Variants in GPC5 observed in about 807,000 individuals in gnomAD.
GPC5 encodes glypican-5.
GPC5 carries 47 observed loss-of-function variants against 53.9 expected under a neutral mutation model. The observed-to-expected ratio is 0.87, with a 90% CI of 0.69 to 1.11. GPC5 has a LOEUF of 1.11. GPC5 is among the 50% of genes most tolerant of loss of function. The pLI, the probability that GPC5 is intolerant of heterozygous loss-of-function variation, is 0.00. For missense variants in GPC5, 748 were observed against 713.1 expected, an observed-to-expected ratio of 1.05 and a Z score of -0.56; for synonymous variants, 286 against 263.3, an observed-to-expected ratio of 1.09 and a Z score of -0.84.
chr13:92,370,839 A>G (rs2043644421), intron 7 of GPC5, among the ~76,000 whole-genome samples: 1 of 152,076 alleles, frequency 6.6e-6, no homozygotes, highest in South Asian at 2.1e-4. Context: ...TTCAGAACAC[A>G]TTTCTTTTGG....
At chr13:92,329,078 G>C (rs928714336) in intron 7 of GPC5, among the ~76,000 whole-genome samples, 1 of 152,122 alleles carries the variant, frequency 6.6e-6, no homozygotes, top group Admixed American at 6.6e-5. Flanking sequence ...CAGAATTTAA[G>C]TGAGTACAGT....
At chr13:92,431,542 A>C (rs1409137830) in intron 7 of GPC5, among the ~76,000 whole-genome samples, 1 of 152,126 alleles carries the variant, frequency 6.6e-6, no homozygotes, top group Non-Finnish European at 1.5e-5. Context: ...AATATGAAAA[A>C]CATTGATATA....
At chr13:92,272,302 A>G (rs868482119) in intron 7 of GPC5, among the ~76,000 whole-genome samples, 19 of 152,182 alleles carry the variant, frequency 1.2e-4, no homozygotes, top group African/African-American at 4.6e-4. Context: ...TCACATCATC[A>G]TAGAACACAT....
At chr13:91,558,819 G>T (rs1566503725) in intron 2 of GPC5, among the ~76,000 whole-genome samples, 1 of 151,808 alleles carries the variant, frequency 6.6e-6, no homozygotes, top group Non-Finnish European at 1.5e-5. Flanking sequence ...CCTCTCCAGT[G>T]AGGTCTGGAT....
At chr13:92,229,438 G>A (rs1194700090) in intron 7 of GPC5, among the ~76,000 whole-genome samples, 1 of 152,054 alleles carries the variant, frequency 6.6e-6, no homozygotes, top group Non-Finnish European at 1.5e-5. Flanking sequence ...TTGGATTTAT[G>A]TTGCCAATAT....
chr13:92,334,437 T>C (rs1341569324), intron 7 of GPC5, among the ~76,000 whole-genome samples: 1 of 152,178 alleles, frequency 6.6e-6, no homozygotes, highest in Non-Finnish European at 1.5e-5. Context: ...CAATCTAAGA[T>C]GAGATTTGGC....
chr13:92,122,186 G>A (rs2041655143), intron 6 of GPC5, among the ~76,000 whole-genome samples: 4 of 152,066 alleles, frequency 2.6e-5, no homozygotes, highest in African/African-American at 7.2e-5. Context: ...AGAGCAGGAA[G>A]CTTAGGCAAT....
intron 1 of GPC5, among the ~76,000 whole-genome samples, chr13:91,434,008 A>C (rs1879706616): frequency 6.6e-6 from 1 of 152,260 alleles, no homozygotes; most frequent in South Asian, 2.1e-4. Flanking sequence ...TCTTTTGAGA[A>C]GTGTCTGTTC....
intron 7 of GPC5, among the ~76,000 whole-genome samples, chr13:92,236,444 A>C (rs1020106469): frequency 2.0e-5 from 3 of 152,112 alleles, no homozygotes; most frequent in African/African-American, 7.2e-5. Context: ...TATTATGAAG[A>C]GGGTGGTATA....
chr13:92,147,205 T>A (rs908101410), intron 7 of GPC5, among the ~76,000 whole-genome samples: 2 of 152,042 alleles, frequency 1.3e-5, no homozygotes, highest in Admixed American at 6.6e-5. Flanking sequence ...ATTTTTTTTT[T>A]ACTAAAAGCT....
intron 7 of GPC5, among the ~76,000 whole-genome samples, chr13:92,278,150 C>T (rs2042889051): frequency 6.6e-6 from 1 of 151,720 alleles, no homozygotes; most frequent in Non-Finnish European, 1.5e-5. Context: ...TATTACTTAA[C>T]ATTAGTATAA....
At chr13:92,069,570 A>C (rs1339461067) in intron 6 of GPC5, among the ~76,000 whole-genome samples, 1 of 152,078 alleles carries the variant, frequency 6.6e-6, no homozygotes, top group Non-Finnish European at 1.5e-5. Context: ...TCTTGACCCC[A>C]GGCTAATATC....
chr13:91,503,817 A>AATAATAATCATCATCATC (rs1555316221), intron 2 of GPC5, among the ~76,000 whole-genome samples: 18 of 147,416 alleles, frequency 1.2e-4, no homozygotes, highest in African/African-American at 4.0e-4. Context: ...TAATAATAAT[A>AATAATAATCATCATCATC]ATCAGGCTGT....
intron 6 of GPC5, among the ~76,000 whole-genome samples, chr13:92,038,532 C>CTA (rs2040914320): frequency 1.3e-5 from 2 of 150,186 alleles, no homozygotes; most frequent in African/African-American, 2.4e-5. Flanking sequence ...GTACAATAAA[C>CTA]TATATATATT....
intron 6 of GPC5, among the ~76,000 whole-genome samples, chr13:92,130,682 ATTAAC>A (rs1413743809): frequency 1.3e-5 from 2 of 152,056 alleles, no homozygotes; most frequent in African/African-American, 4.8e-5. Context: ...GATAAATATA[ATTAAC>A]TTGTCTTTTA....
intron 7 of GPC5, among the ~76,000 whole-genome samples, chr13:92,588,629 G>A (rs1237822823): frequency 6.6e-6 from 1 of 152,132 alleles, no homozygotes; most frequent in Non-Finnish European, 1.5e-5. Flanking sequence ...CCCTGGCCCT[G>A]TCCTTTCTAT....
At chr13:91,806,375 T>C (rs1008883128) in intron 5 of GPC5, among the ~76,000 whole-genome samples, 5 of 151,936 alleles carry the variant, frequency 3.3e-5, no homozygotes, top group South Asian at 2.1e-4. Context: ...TATTTTTTCA[T>C]AGAATAGCAG....
intron 6 of GPC5, among the ~76,000 whole-genome samples, chr13:92,028,350 T>C (rs1467035789): frequency 2.0e-5 from 3 of 152,132 alleles, no homozygotes; most frequent in Admixed American, 2.0e-4. Flanking sequence ...TGGAGCTTAG[T>C]AATTGGATTC....
At chr13:92,453,543 T>G (rs921279511) in intron 7 of GPC5, among the ~76,000 whole-genome samples, 3 of 152,210 alleles carry the variant, frequency 2.0e-5, no homozygotes, top group African/African-American at 7.2e-5. Flanking sequence ...ATAAACTATT[T>G]CAAGTTTCTA....
Sources: allele counts gnomAD v4.1 joint callset (sites outside exome capture counted in the v4.1 genomes callset), GRCh38; gene constraint gnomAD v4.1.1; transcripts MANE v1.5; gene names NCBI Gene and HGNC (gene_info 2026-07-23, HGNC 2026-07-21).